BRD10: variants seen among roughly 807,000 people sequenced by gnomAD.
BRD10 encodes bromodomain containing 10.
chr9:5,922,289 A>G, the BRD10 span: 1 of 1,613,964 alleles, frequency 6.2e-7, no homozygotes, highest in African/African-American at 1.3e-5. Context: ...TGTTGATGAC[A>G]GAGGCTGACC....
the BRD10 span, chr9:5,968,151 CTTTCAA>C: frequency 2.0e-5 from 32 of 1,592,738 alleles, no homozygotes; most frequent in Non-Finnish European, 2.7e-5. Context: ...TTCAAAACAT[CTTTCAA>C]TTTCTTTTTT....
chr9:5,920,001 G>C, the BRD10 span: 4 of 1,613,860 alleles, frequency 2.5e-6, no homozygotes, highest in Non-Finnish European at 3.4e-6. Flanking sequence ...GATACTGTTG[G>C]TACAGGAGGT....
the BRD10 span, chr9:5,933,632 A>C: frequency 2.7e-6 from 1 of 370,110 alleles, no homozygotes; most frequent in Non-Finnish European, 5.5e-6. Flanking sequence ...TGAATGTAAC[A>C]GATTAATAAC....
the BRD10 span, among the ~76,000 whole-genome samples, chr9:5,881,994 T>C: frequency 1.3e-5 from 2 of 152,218 alleles, no homozygotes; most frequent in East Asian, 1.9e-4. Context: ...GTCACTGTCA[T>C]GCAGTAAGTG....
At chr9:5,944,261 TTGAG>T in the BRD10 span, among the ~76,000 whole-genome samples, 7 of 152,250 alleles carry the variant, frequency 4.6e-5, no homozygotes, top group Admixed American at 3.3e-4. Context: ...AATAGCACAA[TTGAG>T]TGTTTTACCA....
the BRD10 span, among the ~76,000 whole-genome samples, chr9:5,884,556 T>C: frequency 1.3e-5 from 2 of 152,338 alleles, no homozygotes; most frequent in African/African-American, 4.8e-5. Flanking sequence ...TAACTTCCAC[T>C]GGACTGGCCT....
the BRD10 span, among the ~76,000 whole-genome samples, chr9:5,893,405 C>T: frequency 6.6e-5 from 10 of 152,316 alleles, 1 homozygote; most frequent in African/African-American, 2.4e-4. Flanking sequence ...TTGGAAAGAG[C>T]TGTTGAACAA....
the BRD10 span, chr9:5,921,035 GA>G: frequency 1.2e-6 from 2 of 1,613,806 alleles, no homozygotes; most frequent in South Asian, 1.1e-5. Flanking sequence ...TCCGGTAACT[GA>G]AAGCACATTT....
At chr9:5,921,369 G>A in the BRD10 span, 1 of 1,613,972 alleles carries the variant, frequency 6.2e-7, no homozygotes, top group Non-Finnish European at 8.5e-7. Flanking sequence ...GGTTGCTCTG[G>A]AGTCTTAACA....
the BRD10 span, among the ~76,000 whole-genome samples, chr9:5,961,463 GCT>G: frequency 6.6e-6 from 1 of 151,814 alleles, no homozygotes; most frequent in Admixed American, 6.6e-5. Context: ...AATTTTTTTT[GCT>G]CTGAGTTTTT....
At chr9:5,959,934 A>G in the BRD10 span, among the ~76,000 whole-genome samples, 1 of 152,126 alleles carries the variant, frequency 6.6e-6, no homozygotes, top group Non-Finnish European at 1.5e-5. Flanking sequence ...CTTTTCCACA[A>G]AAGTTTTCTT....
At chr9:5,988,332 TC>T in the BRD10 span, 1,395 of 1,517,530 alleles carry the variant, frequency 9.2e-4, 2 homozygotes, top group Middle Eastern at 1.4e-3. Context: ...TGAATTTTTT[TC>T]TTAACATTTA....
At chr9:5,907,513 T>C in the BRD10 span, among the ~76,000 whole-genome samples, 1 of 152,238 alleles carries the variant, frequency 6.6e-6, no homozygotes, top group Admixed American at 6.5e-5. Flanking sequence ...AAAATATTAG[T>C]ATGTAGAAAA....
the BRD10 span, among the ~76,000 whole-genome samples, chr9:5,895,845 G>A: frequency 2.0e-5 from 3 of 152,330 alleles, no homozygotes; most frequent in South Asian, 2.1e-4. Context: ...GGTGCTTTTC[G>A]CTCTCAGTTA....
chr9:5,958,291 T>A, the BRD10 span, among the ~76,000 whole-genome samples: 1 of 152,300 alleles, frequency 6.6e-6, no homozygotes, highest in South Asian at 2.1e-4. Context: ...AATAAAACTC[T>A]AGTTTTCTAG....
chr9:5,920,657 C>A, the BRD10 span: 1 of 1,613,954 alleles, frequency 6.2e-7, no homozygotes. Flanking sequence ...CCGAGATTGT[C>A]TTTTAGAAAT....
chr9:5,936,153 C>T, the BRD10 span, among the ~76,000 whole-genome samples: 3 of 152,004 alleles, frequency 2.0e-5, no homozygotes, highest in East Asian at 1.9e-4. Flanking sequence ...CCAAAGAGTT[C>T]GAGACTAGTC....
At chr9:5,892,337 G>A in the BRD10 span, 28 of 611,412 alleles carry the variant, frequency 4.6e-5, no homozygotes, top group Non-Finnish European at 6.6e-5. Flanking sequence ...AAACCAAAGG[G>A]TCCTGGCTAT....
chr9:5,945,240 A>G, the BRD10 span, among the ~76,000 whole-genome samples: 1 of 152,072 alleles, frequency 6.6e-6, no homozygotes, highest in Non-Finnish European at 1.5e-5. Flanking sequence ...CTTTCTTAAC[A>G]TCATTAACTT....
Sources: allele counts gnomAD v4.1 joint callset (sites outside exome capture counted in the v4.1 genomes callset), GRCh38; gene constraint gnomAD v4.1.1; transcripts MANE v1.5; gene names NCBI Gene and HGNC (gene_info 2026-07-23, HGNC 2026-07-21).